Variants in NRXN3 observed in about 807,000 individuals in gnomAD.
NRXN3 encodes neurexin 3, also known as neurexin III.
A neutral mutation model predicts 137.6 loss-of-function variants in NRXN3; 32 were observed. That is an observed-to-expected ratio of 0.23 (90% CI 0.18 to 0.31). NRXN3 has a LOEUF of 0.31. NRXN3 is among the 10% of genes least tolerant of loss of function. The probability of loss-of-function intolerance (pLI) is 1.00; values close to 1 mark genes in which losing one functional copy is unlikely to be tolerated. For missense variants in NRXN3, 1,574 were observed against 2,062.5 expected, an observed-to-expected ratio of 0.76 and a Z score of 4.59; for synonymous variants, 798 against 784.5, an observed-to-expected ratio of 1.02 and a Z score of -0.29.
At chr14:78,524,698 A>G (rs1037022014) in intron 4 of NRXN3, among the ~76,000 whole-genome samples, 3 of 152,174 alleles carry the variant, frequency 2.0e-5, no homozygotes, top group Non-Finnish European at 2.9e-5. Context: ...AATCTAACCT[A>G]TATTCAAAGA....
intron 16 of NRXN3, among the ~76,000 whole-genome samples, chr14:79,507,865 A>G (rs1185506924): frequency 1.3e-5 from 2 of 152,176 alleles, no homozygotes; most frequent in Non-Finnish European, 2.9e-5. Context: ...GTGGAAAATG[A>G]ACCACCTCTT....
chr14:79,805,220 TTTC>T (rs761831931), intron 20 of NRXN3, 30 bp downstream of exon 20: 3 of 1,569,570 alleles, frequency 1.9e-6, no homozygotes, highest in Non-Finnish European at 2.6e-6. Flanking sequence ...TTTTGCTTGC[TTTC>T]TTTTTTCTTT....
intron 6 of NRXN3, among the ~76,000 whole-genome samples, chr14:78,674,982 A>G (rs2097985497): frequency 6.6e-6 from 1 of 152,192 alleles, no homozygotes; most frequent in African/African-American, 2.4e-5. Context: ...AGGAGCATGA[A>G]GACAGTGATG....
chr14:78,820,277 A>C (rs1307751064), intron 10 of NRXN3, among the ~76,000 whole-genome samples: 1 of 149,480 alleles, frequency 6.7e-6, no homozygotes, highest in Non-Finnish European at 1.5e-5. Flanking sequence ...GTTTTTATGC[A>C]TATCATAAAA....
chr14:78,766,892 G>A (rs2098710888), intron 8 of NRXN3, among the ~76,000 whole-genome samples: 1 of 152,188 alleles, frequency 6.6e-6, no homozygotes, highest in Admixed American at 6.5e-5. Flanking sequence ...CTAGCATGAT[G>A]ATTTACTAGG....
chr14:78,665,133 G>A (rs1218642769), intron 6 of NRXN3, among the ~76,000 whole-genome samples: 3 of 152,124 alleles, frequency 2.0e-5, no homozygotes, highest in Non-Finnish European at 2.9e-5. Context: ...ATGCAAAACA[G>A]ATAATTCAGA....
intron 10 of NRXN3, among the ~76,000 whole-genome samples, chr14:78,849,667 T>C (rs10483916): frequency 0.054 from 8,147 of 152,208 alleles, 387 homozygotes; most frequent in East Asian, 0.25. Flanking sequence ...GAAATGACTA[T>C]CTCAAGCTGT....
At chr14:79,683,169 T>A (rs1018049960) in intron 17 of NRXN3, among the ~76,000 whole-genome samples, 2 of 152,176 alleles carry the variant, frequency 1.3e-5, no homozygotes, top group African/African-American at 4.8e-5. Flanking sequence ...AAAACTAGTC[T>A]GGGAAAAGTG....
At chr14:79,725,607 T>C (rs1405250197) in intron 19 of NRXN3, among the ~76,000 whole-genome samples, 1 of 152,158 alleles carries the variant, frequency 6.6e-6, no homozygotes, top group East Asian at 1.9e-4. Flanking sequence ...GATTTCCCCA[T>C]TGACTTTCTT....
At chr14:79,071,762 T>TATCA (rs1369132762) in intron 15 of NRXN3, among the ~76,000 whole-genome samples, 2 of 152,206 alleles carry the variant, frequency 1.3e-5, no homozygotes, top group Non-Finnish European at 2.9e-5. Flanking sequence ...TTTGATAGCC[T>TATCA]ATCAGGGTGA....
chr14:79,214,815 C>A (rs2068230622), intron 15 of NRXN3, among the ~76,000 whole-genome samples: 1 of 152,150 alleles, frequency 6.6e-6, no homozygotes, highest in Admixed American at 6.5e-5. Context: ...GTGATGTTTT[C>A]ACCCACAAAT....
intron 16 of NRXN3, among the ~76,000 whole-genome samples, chr14:79,505,888 G>A (rs1026573334): frequency 2.0e-5 from 3 of 152,166 alleles, no homozygotes; most frequent in African/African-American, 7.2e-5. Context: ...AGGAGTCTAG[G>A]CACAGTGTGA....
intron 16 of NRXN3, among the ~76,000 whole-genome samples, chr14:79,565,334 T>TAC (rs201899599): frequency 1.6e-5 from 2 of 122,202 alleles, no homozygotes; most frequent in Admixed American, 7.7e-5. Flanking sequence ...TGTATATATA[T>TAC]ATACATATGT....
At chr14:79,435,655 A>G (rs2095836040) in intron 15 of NRXN3, among the ~76,000 whole-genome samples, 1 of 150,432 alleles carries the variant, frequency 6.6e-6, no homozygotes, top group Non-Finnish European at 1.5e-5. Flanking sequence ...GTTTGTTTTG[A>G]GACAGGATCT....
intron 4 of NRXN3, among the ~76,000 whole-genome samples, chr14:78,615,196 C>T (rs929190820): frequency 6.6e-6 from 1 of 152,154 alleles, no homozygotes; most frequent in African/African-American, 2.4e-5. Context: ...ATTAGGTCCT[C>T]ACTATAGTCT....
Position 79,428,536 on chromosome 14 carries a change from C to A in NRXN3, c.3263-38685C>A, listed in dbSNP as rs1040109085. Among the ~76,000 whole-genome samples the A allele has an allele frequency of 1.4e-4, 21 of 152,024 alleles. No individual in the cohort carries two copies. In the East Asian group the frequency reaches 4.1e-3, roughly 29 times the overall value. On this transcript the variant is annotated intron_variant, in intron 15 of 20. Transcript: ENST00000335750. ...TTCTTTAAATTCTAAACAGAGAAAT[C>A]AAAACAAAGGTATATTCATACTGCA...
At chr14:78,927,294 G>A (rs2099308662) in intron 10 of NRXN3, among the ~76,000 whole-genome samples, 1 of 151,728 alleles carries the variant, frequency 6.6e-6, no homozygotes, top group Admixed American at 6.6e-5. Context: ...ATGGCACTCA[G>A]AATCCTGATT....
chr14:79,045,554 C>T (rs904072692), intron 15 of NRXN3, among the ~76,000 whole-genome samples: 1 of 152,114 alleles, frequency 6.6e-6, no homozygotes, highest in East Asian at 1.9e-4. Context: ...CATGGATGTT[C>T]TCTCTGTGGC....
intron 16 of NRXN3, among the ~76,000 whole-genome samples, chr14:79,551,692 C>T (rs1311503848): frequency 1.3e-5 from 2 of 152,150 alleles, no homozygotes; most frequent in African/African-American, 4.8e-5. Context: ...GGCTTTTGAA[C>T]AGCAGCTGTT....
Sources: allele counts gnomAD v4.1 joint callset (sites outside exome capture counted in the v4.1 genomes callset), GRCh38; gene constraint gnomAD v4.1.1; transcripts MANE v1.5; gene names NCBI Gene and HGNC (gene_info 2026-07-23, HGNC 2026-07-21).